The following RPS6KC1 variants were observed in gnomAD, a reference collection of about 807,000 sequenced individuals.
RPS6KC1 encodes ribosomal protein S6 kinase C1.
RPS6KC1 carries 54 observed loss-of-function variants against 103.8 expected under a neutral mutation model. That is an observed-to-expected ratio of 0.52 (90% confidence interval 0.42 to 0.65). The LOEUF (loss-of-function observed/expected upper bound fraction) is 0.65. Ranked by LOEUF, RPS6KC1 falls within the 30% of genes least tolerant of loss-of-function variation. RPS6KC1 has a pLI of 0.00. For synonymous variants in RPS6KC1, 439 were observed against 438.7 expected, an observed-to-expected ratio of 1.00 and a Z score of -0.01; for missense variants, 1,151 against 1,253.8, an observed-to-expected ratio of 0.92 and a Z score of 1.24.
the RPS6KC1 span, among the ~76,000 whole-genome samples, chr1:213,733,571 A>C: frequency 6.9e-6 from 1 of 144,486 alleles, no homozygotes; most frequent in African/African-American, 2.6e-5. Context: ...TTTTGAGGAA[A>C]CTCCATACTA....
intron 8 of RPS6KC1, among the ~76,000 whole-genome samples, chr1:213,223,297 A>C (rs1472662958): frequency 6.6e-6 from 1 of 152,036 alleles, no homozygotes; most frequent in Admixed American, 6.5e-5. Flanking sequence ...TCTGAGATTT[A>C]AGTGCATCCA....
intron 6 of RPS6KC1, among the ~76,000 whole-genome samples, chr1:213,160,093 C>T (rs2090313844): frequency 1.3e-5 from 2 of 152,264 alleles, no homozygotes; most frequent in African/African-American, 4.8e-5. Context: ...GTGTAAATTA[C>T]ACAGTTCAGC....
downstream of RPS6KC1, among the ~76,000 whole-genome samples, chr1:213,274,926 A>C (rs1468598970): frequency 6.6e-6 from 1 of 152,166 alleles, no homozygotes; most frequent in African/African-American, 2.4e-5. Flanking sequence ...CGGCACCTCA[A>C]ATGGAAACTC....
At chr1:213,825,340 G>A in the RPS6KC1 span, among the ~76,000 whole-genome samples, 12 of 152,156 alleles carry the variant, frequency 7.9e-5, no homozygotes, top group Non-Finnish European at 1.6e-4. Context: ...CCTGGATACA[G>A]AAAGATTTAA....
the RPS6KC1 span, among the ~76,000 whole-genome samples, chr1:213,710,208 G>C: frequency 5.9e-5 from 9 of 152,282 alleles, 1 homozygote; most frequent in Admixed American, 6.5e-5. Flanking sequence ...CCTGTATTGG[G>C]TGCATATATA....
chr1:213,695,229 T>C, the RPS6KC1 span, among the ~76,000 whole-genome samples: 1 of 152,136 alleles, frequency 6.6e-6, no homozygotes, highest in African/African-American at 2.4e-5. Flanking sequence ...GTGAAAAAGG[T>C]CAGTGGTGTG....
At chr1:213,162,609 T>C (rs1435226993) in intron 6 of RPS6KC1, among the ~76,000 whole-genome samples, 1 of 152,146 alleles carries the variant, frequency 6.6e-6, no homozygotes, top group Non-Finnish European at 1.5e-5. Context: ...AGGGAGTAAA[T>C]AAGTCTTTGG....
intron 14 of RPS6KC1, among the ~76,000 whole-genome samples, chr1:213,266,902 TCAAACAAA>T (rs66700615): frequency 0.44 from 64,976 of 147,658 alleles, 16,622 homozygotes; most frequent in Non-Finnish European, 0.57. Flanking sequence ...AGGCTCCGTC[TCAAACAAA>T]CAAACAAACA....
the RPS6KC1 span, among the ~76,000 whole-genome samples, chr1:213,725,628 C>T: frequency 1.3e-5 from 2 of 152,148 alleles, no homozygotes; most frequent in African/African-American, 4.8e-5. Context: ...GGGACAGTAT[C>T]CTCTTTTGCT....
chr1:213,308,595 G>T, the RPS6KC1 span, among the ~76,000 whole-genome samples: 1 of 152,006 alleles, frequency 6.6e-6, no homozygotes, highest in African/African-American at 2.4e-5. Context: ...CCAATTATGG[G>T]AAACTTTTTG....
chr1:213,640,455 AT>A, the RPS6KC1 span, among the ~76,000 whole-genome samples: 1,035 of 139,908 alleles, frequency 7.4e-3, 5 homozygotes, highest in Middle Eastern at 0.019. Flanking sequence ...ATTTGTGTTC[AT>A]TTTTTTTTTG....
At chr1:213,190,188 G>A (rs2092698412) in intron 8 of RPS6KC1, among the ~76,000 whole-genome samples, 1 of 152,006 alleles carries the variant, frequency 6.6e-6, no homozygotes, top group African/African-American at 2.4e-5. Context: ...GATTGCTGGA[G>A]GGTAAGGTAG....
chr1:213,347,966 G>A, the RPS6KC1 span, among the ~76,000 whole-genome samples: 1 of 152,112 alleles, frequency 6.6e-6, no homozygotes, highest in Non-Finnish European at 1.5e-5. Context: ...AGACCCTGAG[G>A]TGAGAATGTG....
chr1:213,063,571 A>G (rs775981397), intron 1 of RPS6KC1, among the ~76,000 whole-genome samples: 2 of 152,242 alleles, frequency 1.3e-5, no homozygotes, highest in Non-Finnish European at 2.9e-5. Flanking sequence ...GATAGACTAC[A>G]GAAATTGTGG....
the RPS6KC1 span, among the ~76,000 whole-genome samples, chr1:213,355,514 A>AT: frequency 6.6e-6 from 1 of 152,144 alleles, no homozygotes; most frequent in Non-Finnish European, 1.5e-5. Context: ...CTCAGAAGTC[A>AT]TTTTTTGTGA....
chr1:213,754,487 C>G, the RPS6KC1 span, among the ~76,000 whole-genome samples: 1 of 152,178 alleles, frequency 6.6e-6, no homozygotes, highest in East Asian at 1.9e-4. Flanking sequence ...AGAGTTCTCA[C>G]AAGTGGTTTA....
chr1:213,396,720 C>A, the RPS6KC1 span, among the ~76,000 whole-genome samples: 1 of 152,094 alleles, frequency 6.6e-6, no homozygotes, highest in Non-Finnish European at 1.5e-5. Flanking sequence ...CTGTGTGGAC[C>A]TCCTTTTGTT....
chr1:213,849,647 C>T, the RPS6KC1 span, among the ~76,000 whole-genome samples: 2 of 152,030 alleles, frequency 1.3e-5, no homozygotes, highest in African/African-American at 2.4e-5. Context: ...TTTTATAAAA[C>T]AATTGAGGAT....
At chr1:213,090,453 GGTAGA>G (rs1408882471) in intron 3 of RPS6KC1, among the ~76,000 whole-genome samples, 3 of 152,150 alleles carry the variant, frequency 2.0e-5, no homozygotes, top group Non-Finnish European at 4.4e-5. Context: ...AGATTTAAAA[GGTAGA>G]GTAGTTATAG....
Sources: allele counts gnomAD v4.1 joint callset (sites outside exome capture counted in the v4.1 genomes callset), GRCh38; gene constraint gnomAD v4.1.1; transcripts MANE v1.5; gene names NCBI Gene and HGNC (gene_info 2026-07-23, HGNC 2026-07-21).